CDCA5: variants seen among roughly 807,000 people sequenced by gnomAD.
CDCA5 encodes the protein sororin.
A neutral mutation model predicts 25.7 loss-of-function variants in CDCA5; 14 were observed. The ratio of observed to expected loss-of-function variants is 0.54; its 90% CI spans 0.36 to 0.85. The LOEUF is 0.85. CDCA5 is among the 40% of genes least tolerant of loss of function. CDCA5 has a pLI of 0.01. For synonymous variants in CDCA5, 127 were observed against 128.7 expected, an observed-to-expected ratio of 0.99 and a Z score of 0.09; for missense variants, 307 against 324.5, an observed-to-expected ratio of 0.95 and a Z score of 0.41.
At position 65,083,367 on chromosome 11, in the gene CDCA5, A is replaced by G; in HGVS notation, c.240T>C (p.Pro80=). 1 of 1,614,122 alleles carries G rather than the reference A, an allele frequency of 6.2e-7. No homozygotes were observed. Among genetic ancestry groups the G allele is most frequent in the Non-Finnish European group, 8.5e-7 (1 of 1,180,012 alleles). ...VPAVQSPRRS[P]RISFFLEKEN... ...AAGTAGATGAAAGTGAACTCACCCT[A>G]GGGCTCCTGCGAGGTGATTGGACAG... The change falls in exon 4 of 6, where the codon CCT becomes CCC. Residue 80 remains proline, a synonymous_variant. Transcript: ENST00000275517.
exon 3 of CDCA5, chr11:65,068,063 T>C: frequency 5.4e-6 from 7 of 1,289,360 alleles, no homozygotes; most frequent in Non-Finnish European, 7.1e-6. Context: ...CTCAGAGGTG[T>C]TCAGGAGTGT....
Position 65,083,408 on chromosome 11 carries a change from G to T in CDCA5, c.208-9C>A. The T allele has an allele frequency of 6.2e-7, 1 of 1,614,128 alleles. No individual in the cohort carries two copies. The highest frequency in any genetic ancestry group is 8.5e-7 in the Non-Finnish European group (1 of 1,180,006). On this transcript the variant is annotated splice_polypyrimidine_tract_variant and intron_variant, in intron 3 of 5. Coordinates refer to ENST00000275517, the MANE Select transcript of CDCA5 (RefSeq NM_080668.4). ...GATTGGACAGCTGGGACCTGCGGGG[G>T]ACAATACCAATTGATCACATAGCTG...
At chr11:65,082,001 G>A (rs1947576500) in intron 4 of CDCA5, among the ~76,000 whole-genome samples, 1 of 152,174 alleles carries the variant, frequency 6.6e-6, no homozygotes, top group African/African-American at 2.4e-5. Flanking sequence ...AAATGTGACA[G>A]CAATAGGGTA....
chr11:65,083,322 G>C (rs749469478), intron 4 of CDCA5, 42 bp downstream of exon 4: 2 of 1,610,912 alleles, frequency 1.2e-6, no homozygotes, highest in Non-Finnish European at 1.7e-6. Context: ...GCTCTAGAGT[G>C]ACCCAGATTC....
chr11:65,067,983 G>A (rs1428873890), intron 3 of CDCA5: 1 of 1,215,894 alleles, frequency 8.2e-7, no homozygotes, highest in East Asian at 5.7e-5. Context: ...GCATGTGCCT[G>A]CATGGGCACT....
At chr11:65,067,994 C>T (rs1398018210) in intron 3 of CDCA5, 33 of 947,302 alleles carry the variant, frequency 3.5e-5, no homozygotes, top group Non-Finnish European at 4.4e-5. Flanking sequence ...CATGGGCACT[C>T]TCTCTCTCTC....
Position 65,071,539 on chromosome 11 carries a change from C to G in CDCA5, c.64-2938G>C, listed in dbSNP as rs146725205. 8.3e-3 allele frequency among the ~76,000 whole-genome samples: 1,246 copies of G among 151,016 alleles called. 16 individuals are homozygous for G. The highest frequency in any genetic ancestry group is 0.028 in the African/African-American group (1,159 of 41,144). ...CATGTTGGTCAGGCTGGTCTCGAAC[C>G]CCTAACCTGGTGATCCGCCTGCCTC... On this transcript the variant is annotated intron_variant, in intron 1 of 6. Transcript: ENST00000525464.
chr11:65,079,153 T>A lies in CDCA5; in HGVS notation c.713A>T (p.Asn238Ile), dbSNP rs138639197. 3.9e-6 allele frequency: 6 copies of A among 1,522,390 alleles called. No homozygotes were observed. The highest frequency in any genetic ancestry group is 5.3e-6 in the Non-Finnish European group (6 of 1,137,404). The allele number at this position is 1,522,390 out of a possible 1,614,324, so 94.3% of individuals were successfully genotyped here. A position where few individuals can be genotyped will look rare whatever the true frequency, so the allele number is the denominator to read the frequency against. ...TELDEWAAAM[N>I]AEFEAAEQFD... ...CTGCTCAGCAGCTTCAAACTCGGCA[T>A]TCATGGCCGCAGCCCACTCATCCAG... is the stretch of plus-strand genomic sequence containing the variant. The change falls in exon 6 of 6, where the codon AAT (asparagine) becomes ATT (isoleucine). Residue 238 changes from asparagine (N) to isoleucine (I), a missense_variant. Physicochemically the swap from Asn to Ile is moderately radical, Grantham distance 149 (BLOSUM62 -3). Transcript: ENST00000275517.
Position 65,079,414 on chromosome 11 carries a change from G to C in CDCA5, c.617C>G (p.Pro206Arg). The C allele has an allele frequency of 6.2e-7, 1 of 1,614,064 alleles. No individual in the cohort carries two copies. The highest frequency in any genetic ancestry group is 8.5e-7 in the Non-Finnish European group (1 of 1,180,002). ...TTTCTCGGGTGGTGGGGAGATTCCA[G>C]GGAGAGTCATGTCTGGGGCCCAGGG... Reference protein sequence around the residue: ...AKPWAPDMTLPGISPPPEKQK... With the variant: ...AKPWAPDMTLRGISPPPEKQK... The change falls in exon 5 of 6, where the codon CCT becomes CGT. Residue 206 changes from proline to arginine, a missense_variant. Coordinates refer to ENST00000275517, the MANE Select transcript of CDCA5 (RefSeq NM_080668.4).
intron 3 of CDCA5, chr11:65,067,873 C>T (rs1947269670): frequency 4.7e-6 from 4 of 843,142 alleles, no homozygotes; most frequent in Non-Finnish European, 6.8e-6. Context: ...TGGGCCTCCT[C>T]TCTGCACGGG....
At chr11:65,067,781 G>A in intron 3 of CDCA5, 1 of 1,222,702 alleles carries the variant, frequency 8.2e-7, no homozygotes, top group South Asian at 1.3e-5. Flanking sequence ...TGAAGGTCAG[G>A]CCAGAGGGTC....
chr11:65,079,504 T>G lies in CDCA5; in HGVS notation c.527A>C (p.Asp176Ala). ...FGFEGLLGAE[D>A]LSGVSPVVCS... ...CACCACTGGCGAGACTCCGGACAAGTCTTCTGCCCCCAGCAGCCCCTCGAA... is the reference window on the plus strand; with the variant it reads ...CACCACTGGCGAGACTCCGGACAAGGCTTCTGCCCCCAGCAGCCCCTCGAA... Residue 176 changes from aspartate to alanine, a missense_variant, in exon 5 of 6, where the codon GAC becomes GCC. Asp to Ala is a moderately radical substitution (Grantham distance 126, BLOSUM62 -2). Transcript: ENST00000275517. The G allele has an allele frequency of 6.2e-7, 1 of 1,613,992 alleles. No homozygotes were observed. Among genetic ancestry groups the G allele is most frequent in the East Asian group, 2.2e-5 (1 of 44,866 alleles).
chr11:65,081,850 T>C (rs1266181004), intron 4 of CDCA5, among the ~76,000 whole-genome samples: 2 of 151,912 alleles, frequency 1.3e-5, no homozygotes, highest in Non-Finnish European at 2.9e-5. Context: ...CATGGTGGCA[T>C]GTGACTATAG....
Position 65,079,077 on chromosome 11 carries a change from A to G in CDCA5, c.*30T>C. The G allele has an allele frequency of 2.0e-6, 3 of 1,507,858 alleles. No individual in the cohort carries two copies. Among genetic ancestry groups the G allele is most frequent in the Non-Finnish European group, 2.7e-6 (3 of 1,131,132 alleles). The allele number at this position is 1,507,858 out of a possible 1,614,324, so 93.4% of individuals were successfully genotyped here. A position where few individuals can be genotyped will look rare whatever the true frequency, so the allele number is the denominator to read the frequency against. On this transcript the variant is annotated 3_prime_UTR_variant, in exon 6 of 6. Transcript: ENST00000275517. The stretch of plus-strand genomic sequence containing the variant: ...TGGCTATGTACAGGACAGGAGGGAG[A>G]GTCTGGCCAGGTGCACCCCCCACTG...
intron 2 of CDCA5, 36 bp from the exon 3 acceptor site, chr11:65,083,586 G>C (rs1231391199): frequency 1.2e-6 from 2 of 1,614,210 alleles, no homozygotes; most frequent in South Asian, 1.1e-5. Context: ...TCAACATTAG[G>C]TGAGGGGCCA....
intron 4 of CDCA5, among the ~76,000 whole-genome samples, chr11:65,080,323 T>C (rs563639874): frequency 6.6e-6 from 1 of 152,352 alleles, no homozygotes; most frequent in South Asian, 2.1e-4. Context: ...GCTGGTGCTG[T>C]CGCTTGTTTC....
chr11:65,083,383 G>A lies in CDCA5; in HGVS notation c.224C>T (p.Ser75Leu). The A allele has an allele frequency of 6.2e-7, 1 of 1,614,202 alleles. No homozygotes were observed. Among genetic ancestry groups the A allele is most frequent in the Non-Finnish European group, 8.5e-7 (1 of 1,180,048 alleles). The change falls in exon 4 of 6, where the codon TCA (serine) becomes TTA (leucine). Residue 75 changes from serine to leucine, a missense_variant. Transcript: ENST00000275517. ...AHAVEVPAVQSPRRSPRISFF... is the reference protein window; with the variant it reads ...AHAVEVPAVQLPRRSPRISFF... ...ACTCACCCTAGGGCTCCTGCGAGGTGATTGGACAGCTGGGACCTGCGGGGG... is the reference window on the plus strand; with the variant it reads ...ACTCACCCTAGGGCTCCTGCGAGGTAATTGGACAGCTGGGACCTGCGGGGG...
At chr11:65,075,607 C>G (rs1947429815), downstream of CDCA5, among the ~76,000 whole-genome samples, 1 of 152,072 alleles carries the variant, frequency 6.6e-6, no homozygotes, top group Non-Finnish European at 1.5e-5. Flanking sequence ...GAAGAAGGAG[C>G]TGGTCCTGGG....
chr11:65,076,052 C>T (rs1199282985), downstream of CDCA5, among the ~76,000 whole-genome samples: 2 of 152,192 alleles, frequency 1.3e-5, no homozygotes, highest in Non-Finnish European at 2.9e-5. Flanking sequence ...TAAAGAGCAA[C>T]TTGGAACGTT....
Sources: gnomAD v4.1 joint callset for allele counts (sites outside exome capture counted in the v4.1 genomes callset) on GRCh38, gnomAD v4.1.1 for gene constraint, MANE v1.5 for transcripts, NCBI Gene and HGNC (gene_info 2026-07-23, HGNC 2026-07-21) for gene names.